PLCXD3: variants seen among roughly 807,000 people sequenced by gnomAD.
The protein encoded by PLCXD3 is PI-PLC X domain-containing protein 3.
In PLCXD3, 19 loss-of-function variants were observed where a neutral mutation model predicts 25.5. That is an observed-to-expected ratio of 0.75 (90% CI 0.52 to 1.09). The LOEUF (loss-of-function observed/expected upper bound fraction) is 1.09. PLCXD3 is among the 50% of genes least tolerant of loss of function. PLCXD3 has a pLI of 0.00. For missense variants in PLCXD3, 411 were observed against 388.1 expected (o/e 1.06, Z -0.50); for synonymous variants, 174 against 137.6 (o/e 1.26, Z -1.85).
chr5:41,336,090 A>G (rs888673771), intron 2 of PLCXD3, among the ~76,000 whole-genome samples: 2 of 152,192 alleles, frequency 1.3e-5, no homozygotes, highest in South Asian at 2.1e-4. Context: ...AGACAGAGTC[A>G]TATTTGAGTT....
chr5:41,409,881 TATTCAAGA>T (rs1414402260), intron 1 of PLCXD3, among the ~76,000 whole-genome samples: 1 of 152,162 alleles, frequency 6.6e-6, no homozygotes, highest in Non-Finnish European at 1.5e-5. Flanking sequence ...ATGCAGACAA[TATTCAAGA>T]AGTATTAACT....
chr5:41,505,559 C>T (rs1180780317), intron 1 of PLCXD3, among the ~76,000 whole-genome samples: 1 of 152,144 alleles, frequency 6.6e-6, no homozygotes, highest in Non-Finnish European at 1.5e-5. Flanking sequence ...ACAGAAGGAG[C>T]TGGTCCTGTG....
chr5:41,353,616 A>AAG (rs1447173869), intron 2 of PLCXD3, among the ~76,000 whole-genome samples: 1 of 152,216 alleles, frequency 6.6e-6, no homozygotes, highest in Non-Finnish European at 1.5e-5. Context: ...GAGTGAGCAA[A>AAG]AGAGAAAAAA....
At chr5:41,463,534 A>C (rs564714879) in intron 1 of PLCXD3, among the ~76,000 whole-genome samples, 1 of 152,082 alleles carries the variant, frequency 6.6e-6, no homozygotes, top group Admixed American at 6.6e-5. Flanking sequence ...TCAATCCATA[A>C]CACCACTTTA....
At chr5:41,365,741 T>C (rs943753248) in intron 2 of PLCXD3, among the ~76,000 whole-genome samples, 1 of 152,180 alleles carries the variant, frequency 6.6e-6, no homozygotes, top group Non-Finnish European at 1.5e-5. Flanking sequence ...AAGCGGATTA[T>C]ATTACTTTCT....
At chr5:41,445,909 C>A (rs1397559949) in intron 1 of PLCXD3, among the ~76,000 whole-genome samples, 1 of 151,610 alleles carries the variant, frequency 6.6e-6, no homozygotes, top group African/African-American at 2.4e-5. Flanking sequence ...ACAACGAGGC[C>A]GGGCGCGGTG....
chr5:41,379,498 C>G (rs1301601640), intron 2 of PLCXD3, among the ~76,000 whole-genome samples: 1 of 151,860 alleles, frequency 6.6e-6, no homozygotes, highest in African/African-American at 2.4e-5. Context: ...ACACAATCAT[C>G]TAGAACGTTG....
At chr5:41,376,114 C>T (rs535709114) in intron 2 of PLCXD3, among the ~76,000 whole-genome samples, 2 of 152,188 alleles carry the variant, frequency 1.3e-5, no homozygotes, top group African/African-American at 4.8e-5. Flanking sequence ...CAACCACATC[C>T]TGAAAATTCT....
Position 41,374,703 on chromosome 5 carries a change from CTTG to C in PLCXD3, c.812+7120_812+7122del, listed in dbSNP as rs150911766. 4.3e-3 allele frequency among the ~76,000 whole-genome samples: 657 copies of C among 152,166 alleles called. 6 individuals carry two copies. Among genetic ancestry groups the C allele is most frequent in the African/African-American group, 0.015 (618 of 41,522 alleles). On this transcript the variant is annotated intron_variant, in intron 2 of 2. Coordinates refer to ENST00000377801, the MANE Select transcript of PLCXD3 (RefSeq NM_001005473.3). ...TGGAACACTGGCTTTCCATAGTCTC[CTTG>C]TTGTTCTTTCTCCTCAGGGATATGT...
chr5:41,432,599 A>C (rs1246842446), intron 1 of PLCXD3, among the ~76,000 whole-genome samples: 1 of 152,236 alleles, frequency 6.6e-6, no homozygotes, highest in Non-Finnish European at 1.5e-5. Context: ...CCTGCCAGAG[A>C]AAAGCACATA....
chr5:41,369,749 G>A (rs1179401722), intron 2 of PLCXD3, among the ~76,000 whole-genome samples: 4 of 152,158 alleles, frequency 2.6e-5, no homozygotes, highest in African/African-American at 9.7e-5. Context: ...AAAGTGCTGG[G>A]ATTACAAGTG....
At chr5:41,439,216 A>C (rs975043340) in intron 1 of PLCXD3, among the ~76,000 whole-genome samples, 1 of 152,172 alleles carries the variant, frequency 6.6e-6, no homozygotes, top group Non-Finnish European at 1.5e-5. Flanking sequence ...AAAAAATAGA[A>C]GGTTTCTAAG....
chr5:41,364,872 A>C (rs1357986972), intron 2 of PLCXD3, among the ~76,000 whole-genome samples: 2 of 152,232 alleles, frequency 1.3e-5, no homozygotes, highest in Non-Finnish European at 2.9e-5. Flanking sequence ...GTATCTTGGC[A>C]TGTAAACTGT....
At chr5:41,337,643 ATGTGTCTTTGGACACT>A (rs1182244226) in intron 2 of PLCXD3, among the ~76,000 whole-genome samples, 1 of 152,202 alleles carries the variant, frequency 6.6e-6, no homozygotes, top group Non-Finnish European at 1.5e-5. Flanking sequence ...TAATATGTCA[ATGTGTCTTTGGACACT>A]TGCAATCATG....
Position 41,358,506 on chromosome 5 carries a change from T to TCC in PLCXD3, c.812+23319_812+23320insGG, listed in dbSNP as rs1580322584. 3.3e-5 allele frequency among the ~76,000 whole-genome samples: 5 copies of TCC among 152,314 alleles called. No homozygotes were observed. In the South Asian group the frequency reaches 8.3e-4, roughly 25 times the overall value. ...AAGTCCAATGTATCATTCTTATGCC[T>TCC]TTGCATCCTCATAGCTTAGCTCCCA... On this transcript the variant is annotated intron_variant, in intron 2 of 2. Coordinates refer to ENST00000377801, the MANE Select transcript of PLCXD3 (RefSeq NM_001005473.3).
At chr5:41,347,225 A>G (rs531138517) in intron 2 of PLCXD3, among the ~76,000 whole-genome samples, 3 of 152,320 alleles carry the variant, frequency 2.0e-5, no homozygotes, top group Non-Finnish European at 2.9e-5. Flanking sequence ...GTTTTAATAA[A>G]TTGATATTTT....
At chr5:41,315,345 G>A (rs1244924747) in intron 2 of PLCXD3, among the ~76,000 whole-genome samples, 1 of 152,002 alleles carries the variant, frequency 6.6e-6, no homozygotes, top group South Asian at 2.1e-4. Flanking sequence ...GGGAAGAAGG[G>A]GAGGAGAGTT....
chr5:41,426,824 G>T (rs574579292), intron 1 of PLCXD3, among the ~76,000 whole-genome samples: 1 of 152,020 alleles, frequency 6.6e-6, no homozygotes, highest in African/African-American at 2.4e-5. Flanking sequence ...ATTGCTGAGT[G>T]ATCAGTTCTC....
chr5:41,345,152 T>A (rs954260534), intron 2 of PLCXD3, among the ~76,000 whole-genome samples: 3 of 152,230 alleles, frequency 2.0e-5, no homozygotes, highest in African/African-American at 4.8e-5. Flanking sequence ...CAACATTAGA[T>A]TTGTGTCCAA....
Sources: allele counts gnomAD v4.1 joint callset (sites outside exome capture counted in the v4.1 genomes callset), GRCh38; gene constraint gnomAD v4.1.1; transcripts MANE v1.5; gene names NCBI Gene and HGNC (gene_info 2026-07-23, HGNC 2026-07-21).